Variants in CD109 observed in about 807,000 individuals in gnomAD.
CD109 encodes CD109 molecule, also known as CD109 antigen.
In CD109, 149 loss-of-function variants were observed where a neutral mutation model predicts 165.8. That is an observed-to-expected ratio of 0.90 (90% CI 0.79 to 1.03). CD109 has a LOEUF of 1.03. Among genes scored for constraint, CD109 ranks in the 50% least tolerant of loss-of-function variants. CD109 has a pLI of 0.00. For synonymous variants in CD109, 585 were observed against 592.1 expected (o/e 0.99, Z 0.18); for missense variants, 1,712 against 1,677.8 (o/e 1.02, Z -0.36).
intron 14 of CD109, among the ~76,000 whole-genome samples, chr6:73,770,520 G>A (rs550869316): frequency 3.9e-5 from 6 of 152,272 alleles, no homozygotes; most frequent in East Asian, 1.9e-4. Flanking sequence ...CGAGGCAGGC[G>A]GATCACCTGT....
intron 5 of CD109, 21 bp downstream of exon 5, chr6:73,736,529 T>C: frequency 3.8e-6 from 6 of 1,598,922 alleles, no homozygotes; most frequent in Admixed American, 1.7e-5. Context: ...ATATATTTTT[T>C]GGGGGGAATG....
intron 5 of CD109, among the ~76,000 whole-genome samples, chr6:73,746,173 C>T (rs934893616): frequency 6.6e-6 from 1 of 152,142 alleles, no homozygotes; most frequent in African/African-American, 2.4e-5. Context: ...ATATAAAAAG[C>T]AAGAATTTGA....
intron 22 of CD109, among the ~76,000 whole-genome samples, chr6:73,791,091 C>T (rs1026841234): frequency 1.4e-5 from 2 of 138,456 alleles, no homozygotes; most frequent in African/African-American, 2.7e-5. Context: ...AACAACCAAT[C>T]CATAGGCAGA....
chr6:73,683,970 A>G, the CD109 span, among the ~76,000 whole-genome samples: 1 of 152,174 alleles, frequency 6.6e-6, no homozygotes, highest in Non-Finnish European at 1.5e-5. Flanking sequence ...ACAATTCAAG[A>G]TGAGATTTGG....
At chr6:73,733,077 G>A (rs573982779) in intron 4 of CD109, among the ~76,000 whole-genome samples, 200 of 152,316 alleles carry the variant, frequency 1.3e-3, no homozygotes, top group African/African-American at 4.6e-3. Flanking sequence ...GCAGAGGCCA[G>A]GTGGGAGCAG....
intron 22 of CD109, among the ~76,000 whole-genome samples, chr6:73,789,813 T>G (rs1398339804): frequency 1.4e-5 from 2 of 145,808 alleles, no homozygotes; most frequent in Non-Finnish European, 3.0e-5. Flanking sequence ...CAGGCTAGAG[T>G]GCAGTGGCAG....
chr6:73,764,776 A>G (rs1000990234), intron 10 of CD109, among the ~76,000 whole-genome samples: 2 of 148,614 alleles, frequency 1.3e-5, no homozygotes, highest in African/African-American at 5.0e-5. Flanking sequence ...AGATTGCGCC[A>G]TTGCACTCCA....
At chr6:73,767,942 A>G in intron 13 of CD109, 113 bp from the exon 14 acceptor site, 1 of 864,186 alleles carries the variant, frequency 1.2e-6, no homozygotes, top group South Asian at 1.5e-5. Context: ...AAGACTTTGA[A>G]GCTGGTTTAA....
At chr6:73,762,994 T>C in intron 9 of CD109, 112 bp downstream of exon 9, 1 of 954,756 alleles carries the variant, frequency 1.0e-6, no homozygotes, top group Admixed American at 2.7e-5. Context: ...CTAAAGATGC[T>C]ATTTAATGTT....
intron 20 of CD109, among the ~76,000 whole-genome samples, chr6:73,786,073 A>T (rs1030891177): frequency 1.5e-5 from 2 of 133,456 alleles, no homozygotes; most frequent in African/African-American, 5.8e-5. Flanking sequence ...TGATCAAGTG[A>T]TCTGCCTGCC....
At chr6:73,773,810 G>A (rs1220330213) in intron 15 of CD109, among the ~76,000 whole-genome samples, 1 of 152,000 alleles carries the variant, frequency 6.6e-6, no homozygotes, top group East Asian at 1.9e-4. Context: ...GTGGAAATCT[G>A]TGTTGATTAT....
chr6:73,681,179 C>A, the CD109 span, among the ~76,000 whole-genome samples: 1 of 151,798 alleles, frequency 6.6e-6, no homozygotes, highest in Non-Finnish European at 1.5e-5. Flanking sequence ...TCTTTTTTAC[C>A]CCAGTGATAT....
intron 5 of CD109, among the ~76,000 whole-genome samples, chr6:73,745,913 A>G (rs568673026): frequency 6.6e-6 from 1 of 152,316 alleles, no homozygotes; most frequent in Admixed American, 6.5e-5. Context: ...TATTTTTAGT[A>G]GAGACAAGGT....
chr6:73,714,533 C>T (rs965371886), intron 2 of CD109, among the ~76,000 whole-genome samples: 2 of 152,206 alleles, frequency 1.3e-5, no homozygotes, highest in Non-Finnish European at 2.9e-5. Flanking sequence ...CTTAGTAAAC[C>T]TCCTGCATTG....
chr6:73,714,040 T>A (rs1403815972), intron 2 of CD109, among the ~76,000 whole-genome samples: 4 of 152,122 alleles, frequency 2.6e-5, no homozygotes. Flanking sequence ...AGTCAACCCC[T>A]GATGATTTAT....
chr6:73,751,696 C>G (rs932727076), intron 5 of CD109, among the ~76,000 whole-genome samples: 3 of 152,124 alleles, frequency 2.0e-5, no homozygotes, highest in Non-Finnish European at 2.9e-5. Flanking sequence ...GGGACACATA[C>G]CTAGTTGTCT....
intron 6 of CD109, among the ~76,000 whole-genome samples, chr6:73,758,660 G>A (rs1773493904): frequency 6.6e-6 from 1 of 152,078 alleles, no homozygotes. Flanking sequence ...TAGAATTACA[G>A]GCGTGAGCCA....
At chr6:73,688,193 C>CCGTGA in the CD109 span, among the ~76,000 whole-genome samples, 1 of 151,370 alleles carries the variant, frequency 6.6e-6, no homozygotes, top group Non-Finnish European at 1.5e-5. Flanking sequence ...TTTGCTTTTA[C>CCGTGA]TATTTATGAT....
intron 1 of CD109, 123 bp from the exon 2 acceptor site, chr6:73,697,277 A>G (rs1185726236): frequency 6.6e-6 from 5 of 756,054 alleles, no homozygotes; most frequent in Non-Finnish European, 1.1e-5. Context: ...GGGCAATGTT[A>G]ACGGAAACAA....
Sources: gnomAD v4.1 joint callset for allele counts (sites outside exome capture counted in the v4.1 genomes callset) on GRCh38, gnomAD v4.1.1 for gene constraint, MANE v1.5 for transcripts, NCBI Gene and HGNC (gene_info 2026-07-23, HGNC 2026-07-21) for gene names.